RBMS1: variants seen among roughly 807,000 people sequenced by gnomAD.
RBMS1 encodes the protein RNA binding motif single stranded interacting protein 1.
Under a neutral mutation model 62.3 loss-of-function variants are expected in RBMS1, and 17 were observed. That is an observed-to-expected ratio of 0.27 (90% CI 0.19 to 0.41). The LOEUF is 0.41. RBMS1 is among the 10% of genes least tolerant of loss of function. The probability of loss-of-function intolerance (pLI) is 1.00; values close to 1 mark genes in which losing one functional copy is unlikely to be tolerated. For missense variants in RBMS1, 334 were observed against 504.5 expected (o/e 0.66, Z 3.24); for synonymous variants, 172 against 170.0 (o/e 1.01, Z -0.09).
intron 1 of RBMS1, among the ~76,000 whole-genome samples, chr2:160,487,091 CA>C (rs1161700893): frequency 2.0e-5 from 3 of 151,786 alleles, no homozygotes; most frequent in Admixed American, 6.6e-5. Flanking sequence ...ACATAAAGTA[CA>C]AAAAAATTAT....
intron 1 of RBMS1, among the ~76,000 whole-genome samples, chr2:160,397,639 C>T (rs902010837): frequency 1.3e-5 from 2 of 152,126 alleles, no homozygotes; most frequent in African/African-American, 4.8e-5. Flanking sequence ...ACTCTTTAAA[C>T]CCTTTGGAAT....
At chr2:160,469,659 T>G (rs1684839138) in intron 1 of RBMS1, among the ~76,000 whole-genome samples, 1 of 152,222 alleles carries the variant, frequency 6.6e-6, no homozygotes, top group Admixed American at 6.5e-5. Flanking sequence ...CTCTCAGGAC[T>G]TTATTGGTAT....
At chr2:160,464,810 T>G (rs1684620176) in intron 1 of RBMS1, among the ~76,000 whole-genome samples, 1 of 152,228 alleles carries the variant, frequency 6.6e-6, no homozygotes, top group Non-Finnish European at 1.5e-5. Flanking sequence ...GAAAATATTC[T>G]TGCCCTTGCA....
intron 1 of RBMS1, among the ~76,000 whole-genome samples, chr2:160,462,131 C>T (rs760616957): frequency 1.1e-4 from 16 of 152,202 alleles, no homozygotes; most frequent in East Asian, 1.9e-4. Context: ...CTTAGCTCAA[C>T]GGGCCCCAAA....
intron 2 of RBMS1, among the ~76,000 whole-genome samples, chr2:160,328,254 T>C (rs1691063170): frequency 6.6e-6 from 1 of 152,160 alleles, no homozygotes; most frequent in African/African-American, 2.4e-5. Context: ...GTGTTATTCT[T>C]TTCTCCCATA....
intron 1 of RBMS1, among the ~76,000 whole-genome samples, chr2:160,426,769 T>C (rs1049431646): frequency 5.3e-5 from 8 of 152,194 alleles, no homozygotes; most frequent in African/African-American, 1.7e-4. Context: ...TGCCGCCACC[T>C]CATTCCGGGT....
intron 2 of RBMS1, among the ~76,000 whole-genome samples, chr2:160,342,107 TG>T (rs1488490402): frequency 6.6e-6 from 1 of 152,160 alleles, no homozygotes; most frequent in Non-Finnish European, 1.5e-5. Context: ...TATTAATACT[TG>T]GCATAATATC....
At chr2:160,282,142 T>C (rs1688132873) in intron 9 of RBMS1, 21 of 969,632 alleles carry the variant, frequency 2.2e-5, no homozygotes, top group Non-Finnish European at 3.1e-5. Context: ...TAAGTTTCAG[T>C]TTCCAATTCT....
Position 160,284,756 on chromosome 2 carries a change from G to A in RBMS1, c.900+19C>T, listed in dbSNP as rs1020734938. The A allele has an allele frequency of 3.3e-6, 5 of 1,529,528 alleles. No individual in the cohort carries two copies. Among genetic ancestry groups the A allele is most frequent in the African/African-American group, 1.4e-5 (1 of 73,092 alleles). 94.7% of individuals were successfully genotyped at this position (1,529,528 alleles called of 1,614,324 possible). On this transcript the variant is annotated intron_variant, in intron 9 of 13. Coordinates refer to ENST00000348849, the MANE Select transcript of RBMS1 (RefSeq NM_016836.4). ...GTCCGCAAGTGGTTATACTGCTGAC[G>A]AATCCTAAAGGTACAAACCTGGTAG... is the stretch of plus-strand genomic sequence containing the variant.
chr2:160,407,943 C>G (rs952807667), intron 1 of RBMS1: 9 of 978,990 alleles, frequency 9.2e-6, no homozygotes, highest in Non-Finnish European at 9.7e-6. Context: ...GGCAGCGCAC[C>G]GCCTCGCGCC....
At chr2:160,379,469 T>C (rs1435770954) in intron 1 of RBMS1, among the ~76,000 whole-genome samples, 1 of 152,206 alleles carries the variant, frequency 6.6e-6, no homozygotes, top group Non-Finnish European at 1.5e-5. Context: ...TTAGTGGTGA[T>C]GGTATCAACC....
intron 2 of RBMS1, among the ~76,000 whole-genome samples, chr2:160,324,878 G>GTATA (rs144023677): frequency 1.3e-5 from 1 of 75,402 alleles, no homozygotes; most frequent in Non-Finnish European, 2.7e-5. Context: ...GTGTGTGTGT[G>GTATA]TGTGTATATA....
intron 9 of RBMS1, 146 bp from the exon 10 acceptor site, chr2:160,281,510 T>C (rs1248584443): frequency 1.6e-6 from 1 of 614,564 alleles, no homozygotes. Flanking sequence ...TTAAGGCAGT[T>C]AGAATTCTTG....
intron 1 of RBMS1, chr2:160,407,972 G>A (rs942707147): frequency 2.9e-5 from 28 of 952,842 alleles, no homozygotes; most frequent in African/African-American, 7.1e-5. Flanking sequence ...GCCCACCCGC[G>A]CCTCCCCGCC....
intron 1 of RBMS1, among the ~76,000 whole-genome samples, chr2:160,434,058 G>A (rs1282159388): frequency 6.6e-6 from 1 of 152,116 alleles, no homozygotes. Context: ...ATGGATCTTG[G>A]ATTAGAAATT....
At chr2:160,399,298 A>G (rs1365270361) in intron 1 of RBMS1, among the ~76,000 whole-genome samples, 1 of 152,170 alleles carries the variant, frequency 6.6e-6, no homozygotes, top group Non-Finnish European at 1.5e-5. Context: ...AGAAACAGCC[A>G]ATGTATGCAC....
intron 1 of RBMS1, among the ~76,000 whole-genome samples, chr2:160,450,911 G>A (rs527640288): frequency 2.0e-5 from 3 of 152,226 alleles, no homozygotes; most frequent in Non-Finnish European, 2.9e-5. Flanking sequence ...AGTGGCTCAC[G>A]TCTGTAATCC....
chr2:160,396,707 G>A (rs963694064), intron 1 of RBMS1, among the ~76,000 whole-genome samples: 1 of 151,856 alleles, frequency 6.6e-6, no homozygotes, highest in Non-Finnish European at 1.5e-5. Flanking sequence ...CTGGGATACA[G>A]GCAGGCGCCA....
At chr2:160,413,912 C>T (rs1017713052) in intron 1 of RBMS1, among the ~76,000 whole-genome samples, 1 of 152,156 alleles carries the variant, frequency 6.6e-6, no homozygotes, top group African/African-American at 2.4e-5. Flanking sequence ...TCTTTGACTC[C>T]AAAGTCCCCT....
Sources: gnomAD v4.1 joint callset for allele counts (sites outside exome capture counted in the v4.1 genomes callset) on GRCh38, gnomAD v4.1.1 for gene constraint, MANE v1.5 for transcripts, NCBI Gene and HGNC (gene_info 2026-07-23, HGNC 2026-07-21) for gene names.